The following FHIT variants were observed in gnomAD, a reference collection of about 807,000 sequenced individuals.
FHIT encodes bis(5'-adenosyl)-triphosphatase.
In FHIT, 19 loss-of-function variants were observed where a neutral mutation model predicts 17.9. The observed-to-expected ratio is 1.06, with a 90% CI of 0.74 to 1.56. The LOEUF (loss-of-function observed/expected upper bound fraction) is 1.56. Ranked by LOEUF, FHIT falls within the 40% of genes most tolerant of loss-of-function variation. FHIT has a pLI of 0.00. For synonymous variants in FHIT, 81 were observed against 69.7 expected, an observed-to-expected ratio of 1.16 and a Z score of -0.81; for missense variants, 248 against 189.2, an observed-to-expected ratio of 1.31 and a Z score of -1.82.
At chr3:59,887,654 T>C (rs927304133) in intron 8 of FHIT, among the ~76,000 whole-genome samples, 6 of 152,142 alleles carry the variant, frequency 3.9e-5, no homozygotes, top group African/African-American at 1.4e-4. Flanking sequence ...CAGGGTGCAA[T>C]TGCCCAGAGC....
At chr3:60,376,011 C>T (rs957986902) in intron 5 of FHIT, among the ~76,000 whole-genome samples, 7 of 152,134 alleles carry the variant, frequency 4.6e-5, no homozygotes, top group East Asian at 1.9e-4. Context: ...AATAGCTACA[C>T]GTGGTTAGTG....
intron 5 of FHIT, among the ~76,000 whole-genome samples, chr3:60,497,199 A>G (rs1232895910): frequency 1.3e-5 from 2 of 152,034 alleles, no homozygotes; most frequent in East Asian, 3.9e-4. Flanking sequence ...CCCACAAGAA[A>G]GTAGTTATCT....
At chr3:60,901,216 T>C (rs1217616551) in intron 3 of FHIT, among the ~76,000 whole-genome samples, 1 of 152,236 alleles carries the variant, frequency 6.6e-6, no homozygotes, top group East Asian at 1.9e-4. Context: ...AAAACTTCAA[T>C]GTTTTGTTCA....
chr3:60,656,868 T>G (rs2040127904), intron 4 of FHIT, among the ~76,000 whole-genome samples: 1 of 152,172 alleles, frequency 6.6e-6, no homozygotes, highest in Non-Finnish European at 1.5e-5. Flanking sequence ...CCAGTAATAC[T>G]TTTCCCTTTC....
At chr3:60,911,296 C>T (rs1325101756) in intron 3 of FHIT, among the ~76,000 whole-genome samples, 1 of 151,826 alleles carries the variant, frequency 6.6e-6, no homozygotes, top group Non-Finnish European at 1.5e-5. Flanking sequence ...ACCCATTTAC[C>T]AAACATGGAT....
intron 4 of FHIT, among the ~76,000 whole-genome samples, chr3:60,802,861 G>C (rs1222897831): frequency 1.3e-5 from 2 of 152,064 alleles, no homozygotes; most frequent in African/African-American, 4.8e-5. Flanking sequence ...AGATACGTTG[G>C]TATGAGATAA....
At chr3:60,694,519 A>T (rs2107893239) in intron 4 of FHIT, among the ~76,000 whole-genome samples, 1 of 152,286 alleles carries the variant, frequency 6.6e-6, no homozygotes, top group Admixed American at 6.5e-5. Context: ...TTCCTCAAGG[A>T]TCTAGAACTA....
At chr3:60,091,460 A>G (rs1012112963) in intron 5 of FHIT, among the ~76,000 whole-genome samples, 4 of 152,198 alleles carry the variant, frequency 2.6e-5, no homozygotes, top group Non-Finnish European at 4.4e-5. Flanking sequence ...TTGAGGAAGG[A>G]AGAGAGTGTC....
At chr3:61,200,413 C>G (rs950056252) in intron 2 of FHIT, among the ~76,000 whole-genome samples, 1 of 152,198 alleles carries the variant, frequency 6.6e-6, no homozygotes, top group Non-Finnish European at 1.5e-5. Context: ...TTGCATTTGT[C>G]TACTCTCAAC....
chr3:60,490,844 G>T (rs769384624), intron 5 of FHIT, among the ~76,000 whole-genome samples: 1 of 152,096 alleles, frequency 6.6e-6, no homozygotes, highest in Non-Finnish European at 1.5e-5. Context: ...ATGCTACTTT[G>T]CAGGTGAGGA....
chr3:60,537,338 C>G (rs181862030), intron 4 of FHIT: 1 of 325,582 alleles, frequency 3.1e-6, no homozygotes, highest in African/African-American at 2.2e-5. Flanking sequence ...TTTGTCATGT[C>G]TGCTAAGCTG....
At chr3:61,133,205 T>G (rs1481611918) in intron 2 of FHIT, among the ~76,000 whole-genome samples, 1 of 151,804 alleles carries the variant, frequency 6.6e-6, no homozygotes. Flanking sequence ...AGCATTGACC[T>G]CAGTTTATAA....
At chr3:60,494,242 C>T (rs2034195298) in intron 5 of FHIT, among the ~76,000 whole-genome samples, 1 of 152,186 alleles carries the variant, frequency 6.6e-6, no homozygotes, top group Admixed American at 6.5e-5. Context: ...CCTGGTACCA[C>T]TAATCTGCTA....
At chr3:60,877,641 T>C (rs1704732666) in intron 3 of FHIT, among the ~76,000 whole-genome samples, 1 of 152,122 alleles carries the variant, frequency 6.6e-6, no homozygotes, top group African/African-American at 2.4e-5. Flanking sequence ...CCTTGGGGAA[T>C]CATTGCCTTG....
At chr3:60,365,650 T>C (rs967951159) in intron 5 of FHIT, among the ~76,000 whole-genome samples, 48 of 152,206 alleles carry the variant, frequency 3.2e-4, no homozygotes, top group African/African-American at 1.1e-3. Flanking sequence ...TAGGAAGCCA[T>C]CTCTTTCAGA....
At chr3:61,102,889 C>T (rs911977584) in intron 2 of FHIT, among the ~76,000 whole-genome samples, 2 of 152,148 alleles carry the variant, frequency 1.3e-5, no homozygotes, top group African/African-American at 4.8e-5. Context: ...TCTGTGGGAT[C>T]AGTGGTGATA....
chr3:60,393,716 T>C (rs907349127), intron 5 of FHIT, among the ~76,000 whole-genome samples: 7 of 152,098 alleles, frequency 4.6e-5, no homozygotes, highest in Non-Finnish European at 8.8e-5. Context: ...AGATCTTACA[T>C]CTAAATATCT....
chr3:60,072,185 G>C (rs555583136), intron 5 of FHIT, among the ~76,000 whole-genome samples: 1 of 152,334 alleles, frequency 6.6e-6, no homozygotes, highest in South Asian at 2.1e-4. Flanking sequence ...GTTGCTTGAA[G>C]AGAGACAAAC....
At chr3:60,655,987 T>C (rs536172224) in intron 4 of FHIT, among the ~76,000 whole-genome samples, 1 of 152,328 alleles carries the variant, frequency 6.6e-6, no homozygotes, top group South Asian at 2.1e-4. Context: ...GGTAAACTTA[T>C]TACTGCACCC....
Sources: allele counts gnomAD v4.1 joint callset (sites outside exome capture counted in the v4.1 genomes callset), GRCh38; gene constraint gnomAD v4.1.1; transcripts MANE v1.5; gene names NCBI Gene and HGNC (gene_info 2026-07-23, HGNC 2026-07-21).